Variants in RBBP6 observed in about 807,000 individuals in gnomAD.
The protein encoded by RBBP6 is RB binding protein 6, ubiquitin ligase.
Under a neutral mutation model 167.7 loss-of-function variants are expected in RBBP6, and 25 were observed. The ratio of observed to expected loss-of-function variants is 0.15; its 90% CI spans 0.11 to 0.21. The LOEUF (loss-of-function observed/expected upper bound fraction) is 0.21. Ranked by LOEUF, RBBP6 falls within the 10% of genes least tolerant of loss-of-function variation. The probability of loss-of-function intolerance (pLI) is 1.00; values close to 1 mark genes in which losing one functional copy is unlikely to be tolerated. For missense variants in RBBP6, 1,868 were observed against 2,134.2 expected (o/e 0.88, Z 2.46); for synonymous variants, 789 against 735.8 (o/e 1.07, Z -1.17).
chr16:24,543,853 C>T (rs1385669018), intron 1 of RBBP6, among the ~76,000 whole-genome samples: 1 of 152,088 alleles, frequency 6.6e-6, no homozygotes, highest in African/African-American at 2.4e-5. Flanking sequence ...TTCTTACTCT[C>T]CATTTCTCGG....
intron 17 of RBBP6, 34 bp downstream of exon 17, chr16:24,570,533 G>T (rs748318214): frequency 1.3e-6 from 2 of 1,492,028 alleles, no homozygotes; most frequent in Middle Eastern, 1.8e-4. Context: ...GTGGAACTTT[G>T]TTGGGAGAAG....
At chr16:24,559,445 A>G (rs1898995508) in intron 7 of RBBP6, 60 bp from the exon 8 acceptor site, 3 of 1,377,358 alleles carry the variant, frequency 2.2e-6, no homozygotes, top group East Asian at 2.4e-5. Flanking sequence ...ATAGTAGAAC[A>G]TGTAGCATGA....
chr16:24,549,401 A>G (rs1898743144), intron 3 of RBBP6: 3 of 998,148 alleles, frequency 3.0e-6, no homozygotes, highest in Non-Finnish European at 3.6e-6. Flanking sequence ...TTTGGAGTGT[A>G]TATTTTGCCA....
At chr16:24,562,423 C>T (rs1199706370) in intron 10 of RBBP6, among the ~76,000 whole-genome samples, 2 of 152,078 alleles carry the variant, frequency 1.3e-5, no homozygotes, top group Non-Finnish European at 2.9e-5. Context: ...GTTCCATATA[C>T]CATAACAGCT....
chr16:24,555,723 A>G lies in RBBP6; in HGVS notation c.437+20A>G, dbSNP rs745601052. On this transcript the variant is annotated intron_variant, in intron 5 of 17. Transcript: ENST00000319715. The stretch of plus-strand genomic sequence containing the variant: ...AATCAAGTAAGTTCATAAATATTTT[A>G]TACTAATAGGAACTTTTGGGGTGGG... The G allele has an allele frequency of 8.1e-6, 13 of 1,607,604 alleles. No individual in the cohort carries two copies. The East Asian group carries it at 2.7e-4, about 33-fold the overall frequency.
chr16:24,550,836 T>C lies in RBBP6; in HGVS notation c.303+1855T>C, dbSNP rs1482935830. On this transcript the variant is annotated intron_variant, in intron 3 of 17. Coordinates refer to ENST00000319715, the MANE Select transcript of RBBP6 (RefSeq NM_006910.5). ...CTTGTTGTCCCCATCATTTATTTGCTTGGGGTACATTTGCTGGCATTTAAG... is the reference window on the plus strand; with the variant it reads ...CTTGTTGTCCCCATCATTTATTTGCCTGGGGTACATTTGCTGGCATTTAAG... Among the ~76,000 whole-genome samples, 4 of 151,966 alleles carry C rather than the reference T, an allele frequency of 2.6e-5. No individual in the cohort carries two copies. The East Asian group carries it at 7.7e-4, about 29-fold the overall frequency.
Position 24,570,175 on chromosome 16 carries a change from C to A in RBBP6, c.3485C>A (p.Ser1162Tyr). 2.5e-6 allele frequency: 4 copies of A among 1,598,906 alleles called. No homozygotes were observed. Among genetic ancestry groups the A allele is most frequent in the South Asian group, 1.2e-5 (1 of 86,660 alleles). Residue 1162 changes from serine to tyrosine, a missense_variant, in exon 17 of 18, where the codon TCT becomes TAT. By Grantham distance (144) the Ser-to-Tyr change is moderately radical (BLOSUM62 -2). Transcript: ENST00000319715. ...AAAGGCGTAGATAAAGATTTTGAGTCTTCTTCAATGAAAATCTCGAAACTA... is the reference window on the plus strand; with the variant it reads ...AAAGGCGTAGATAAAGATTTTGAGTATTCTTCAATGAAAATCTCGAAACTA... Reference protein sequence around the residue: ...EEKGVDKDFESSSMKISKLEV... With the variant: ...EEKGVDKDFEYSSMKISKLEV...
chr16:24,568,159 T>G (rs1302355770), intron 16 of RBBP6, among the ~76,000 whole-genome samples: 1 of 152,190 alleles, frequency 6.6e-6, no homozygotes, highest in Non-Finnish European at 1.5e-5. Context: ...TTGGGAAATG[T>G]TTTTGGAAGG....
Position 24,571,002 on chromosome 16 carries a change from T to C in RBBP6, c.3936T>C (p.Ile1312=), listed in dbSNP as rs142163295. ...DNTAPAEDVI[I]MIQVPQSKWD... ...CCGCGCCAGCTGAAGATGTTATCAT[T>C]ATGATTCAGGTTCCTCAATCCAAAT... The change falls in exon 18 of 18, where the codon ATT becomes ATC. Residue 1312 remains isoleucine (I), a synonymous_variant. Transcript: ENST00000319715. 3.7e-4 allele frequency: 604 copies of C among 1,612,646 alleles called. No homozygotes were observed. Among genetic ancestry groups the C allele is most frequent in the Admixed American group, 5.7e-4 (34 of 59,992 alleles).
intron 7 of RBBP6, among the ~76,000 whole-genome samples, chr16:24,557,495 G>A (rs186802016): frequency 6.6e-6 from 1 of 151,976 alleles, no homozygotes; most frequent in East Asian, 1.9e-4. Context: ...TTGGACTGCT[G>A]TTCTCTAACT....
intron 3 of RBBP6, chr16:24,549,516 T>A: frequency 1.1e-5 from 4 of 360,670 alleles, no homozygotes; most frequent in Non-Finnish European, 1.5e-5. Context: ...TAAAGTTTGA[T>A]GCTTTCTCCA....
intron 1 of RBBP6, among the ~76,000 whole-genome samples, chr16:24,542,033 TATTAA>T (rs1158476319): frequency 1.3e-5 from 2 of 152,176 alleles, no homozygotes; most frequent in Non-Finnish European, 2.9e-5. Context: ...GACTCAAAAA[TATTAA>T]GGAAGAATTT....
In RBBP6 at chr16:24,569,410, G is replaced by T. The variant is rs749517254; in HGVS notation, c.2720G>T (p.Gly907Val). 17 of 1,613,944 alleles carry T rather than the reference G, an allele frequency of 1.1e-5. No individual in the cohort carries two copies. In the Middle Eastern group the frequency reaches 4.9e-4, roughly 47 times the overall value. The change falls in exon 17 of 18, where the codon GGT becomes GTT. Residue 907 changes from glycine (G) to valine (V), a missense_variant. Gly to Val is a moderately radical substitution (Grantham distance 109). Transcript: ENST00000319715. ...CCAGAAAAGCTTTCAGCAAGAGATGGTCACAATCAGAAGGATAATACAAAG... is the reference window on the plus strand; with the variant it reads ...CCAGAAAAGCTTTCAGCAAGAGATGTTCACAATCAGAAGGATAATACAAAG... ...NYPEKLSARDGHNQKDNTKSK... is the reference protein window; with the variant it reads ...NYPEKLSARDVHNQKDNTKSK...
rs1472959300 is a variant in RBBP6 at position 24,569,101 on chromosome 16, C to T, written c.2411C>T (p.Pro804Leu). The T allele has an allele frequency of 3.1e-6, 5 of 1,613,464 alleles. No individual in the cohort carries two copies. Among genetic ancestry groups the T allele is most frequent in the Non-Finnish European group, 4.2e-6 (5 of 1,179,842 alleles). ...EYFNRYREVP[P>L]PYDMKAYYGR... ...TTTAATAGATACAGAGAAGTTCCAC[C>T]ACCATATGACATGAAAGCATATTAT... Residue 804 changes from proline (P) to leucine (L), a missense_variant, in exon 17 of 18, where the codon CCA becomes CTA. This residue lies in a region of RBBP6 where 673 missense variants were observed against 691.5 expected (regional missense o/e 0.97). Coordinates refer to ENST00000319715, the MANE Select transcript of RBBP6 (RefSeq NM_006910.5).
chr16:24,549,189 C>T (rs1898738372), intron 3 of RBBP6: 12 of 1,423,924 alleles, frequency 8.4e-6, no homozygotes, highest in Non-Finnish European at 9.2e-6. Flanking sequence ...AATTTGTGCC[C>T]GTAACACTGT....
At position 24,567,532 on chromosome 16, in the gene RBBP6, T is replaced by C. The variant is rs781379340; in HGVS notation, c.1952+27T>C. ...TATGTATTCTAATTTGAAATTATTA[T>C]ACACTTTTTTCATTTTCTGATAATA... On this transcript the variant is annotated intron_variant, in intron 15 of 17. Coordinates refer to ENST00000319715, the MANE Select transcript of RBBP6 (RefSeq NM_006910.5). The C allele has an allele frequency of 7.0e-6, 11 of 1,560,476 alleles. No homozygotes were observed. In the South Asian group the frequency reaches 1.1e-4, roughly 15 times the overall value.
Position 24,563,313 on chromosome 16 carries a change from T to A in RBBP6, c.1386+18T>A, listed in dbSNP as rs1311861332. On this transcript the variant is annotated intron_variant, in intron 11 of 17. Coordinates refer to ENST00000319715, the MANE Select transcript of RBBP6 (RefSeq NM_006910.5). ...AAGAGAAGGTAAATTTTACTGGTGC[T>A]TTAATTTGGGATTTTTTTTACAGCA... 1.3e-6 allele frequency: 2 copies of A among 1,588,294 alleles called. No homozygotes were observed. Among genetic ancestry groups the A allele is most frequent in the Non-Finnish European group, 1.7e-6 (2 of 1,166,748 alleles).
intron 14 of RBBP6, among the ~76,000 whole-genome samples, chr16:24,565,269 C>A (rs547514982): frequency 6.6e-6 from 1 of 152,146 alleles, no homozygotes; most frequent in African/African-American, 2.4e-5. Flanking sequence ...TCTTCTAGAC[C>A]CCACTGTCCC....
rs1269865860 is a variant in RBBP6, at chr16:24,568,799, T to C, written c.2109T>C (p.Ser703=). The C allele has an allele frequency of 1.2e-6, 2 of 1,614,244 alleles. No homozygotes were observed. Among genetic ancestry groups the C allele is most frequent in the South Asian group, 2.2e-5 (2 of 91,086 alleles). Residue 703 remains serine (S), a synonymous_variant, in exon 17 of 18, where the codon TCT becomes TCC. Coordinates refer to ENST00000319715, the MANE Select transcript of RBBP6 (RefSeq NM_006910.5). ...SSYSRSSYTY[S]KSRSGSTRSR... ...ATTCAAGAAGTTCATATACTTATTCTAAATCAAGATCTGGTTCAACACGTT... is the reference window on the plus strand; with the variant it reads ...ATTCAAGAAGTTCATATACTTATTCCAAATCAAGATCTGGTTCAACACGTT...
Sources: gnomAD v4.1 joint callset for allele counts (sites outside exome capture counted in the v4.1 genomes callset) on GRCh38, gnomAD v4.1.1 for gene constraint, gnomAD v4.1.1 regional missense constraint, MANE v1.5 for transcripts, NCBI Gene and HGNC (gene_info 2026-07-23, HGNC 2026-07-21) for gene names.